The following ELOVL7 variants were observed in gnomAD, a reference collection of about 807,000 sequenced individuals.
ELOVL7 encodes very long chain fatty acid elongase 7.
A neutral mutation model predicts 35.7 loss-of-function variants in ELOVL7; 27 were observed. The ratio of observed to expected loss-of-function variants is 0.76; its 90% CI spans 0.56 to 1.04. ELOVL7 has a LOEUF of 1.04. ELOVL7 is among the 50% of genes least tolerant of loss of function. The pLI, the probability that ELOVL7 is intolerant of heterozygous loss-of-function variation, is 0.00. For synonymous variants in ELOVL7, 113 were observed against 114.6 expected (o/e 0.99, Z 0.09); for missense variants, 327 against 340.8 (o/e 0.96, Z 0.32).
chr5:60,835,136 G>A lies in ELOVL7; in HGVS notation c.-86+9024C>T, dbSNP rs576570048. Among the ~76,000 whole-genome samples, 123 of 150,104 alleles carry A rather than the reference G, an allele frequency of 8.2e-4. 1 individual carries two copies. The highest frequency in any genetic ancestry group is 3.1e-3 in the Admixed American group (47 of 15,030). ...GCCCGGGAGGTGGAGGTTGCAGCGA[G>A]CTGAGAGCAAGCCACTGCACTCCAG... On this transcript the variant is annotated intron_variant, in intron 1 of 8. Transcript: ENST00000508821.
At chr5:60,798,723 T>C (rs1474883747) in intron 2 of ELOVL7, among the ~76,000 whole-genome samples, 1 of 152,036 alleles carries the variant, frequency 6.6e-6, no homozygotes, top group East Asian at 1.9e-4. Context: ...GATTAATAGA[T>C]CTGAAAAGAG....
At chr5:60,807,809 C>A (rs1745018356) in intron 1 of ELOVL7, among the ~76,000 whole-genome samples, 1 of 151,562 alleles carries the variant, frequency 6.6e-6, no homozygotes. Context: ...ACCACCCTGG[C>A]TAACATGGTG....
intron 1 of ELOVL7, among the ~76,000 whole-genome samples, chr5:60,824,814 T>A (rs914396349): frequency 6.6e-6 from 1 of 152,154 alleles, no homozygotes; most frequent in Non-Finnish European, 1.5e-5. Flanking sequence ...AAAACTCAAG[T>A]CATGTCCCTT....
At chr5:60,775,686 C>G (rs1423196903) in intron 3 of ELOVL7, among the ~76,000 whole-genome samples, 1 of 152,080 alleles carries the variant, frequency 6.6e-6, no homozygotes, top group Non-Finnish European at 1.5e-5. Flanking sequence ...ATACCTAAAA[C>G]CAACTGATAT....
chr5:60,762,367 T>C (rs953508969), intron 7 of ELOVL7, among the ~76,000 whole-genome samples: 1 of 151,854 alleles, frequency 6.6e-6, no homozygotes, highest in Non-Finnish European at 1.5e-5. Context: ...AAAGCACTGC[T>C]TGCTTTTGAA....
chr5:60,767,094 T>C (rs1742287778), intron 5 of ELOVL7, among the ~76,000 whole-genome samples: 2 of 152,128 alleles, frequency 1.3e-5, no homozygotes, highest in Non-Finnish European at 2.9e-5. Flanking sequence ...TGTTTATCCA[T>C]TTATCTTTTT....
chr5:60,804,694 T>A lies in ELOVL7; in HGVS notation c.-85-5464A>T, dbSNP rs531208738. Among the ~76,000 whole-genome samples the A allele has an allele frequency of 3.9e-5, 6 of 152,260 alleles. No homozygotes were observed. The South Asian group carries it at 1.2e-3, about 32-fold the overall frequency. ...TCGAATAGAACAAGTGCTTAAGAAA[T>A]ATCTGCTGAATGAATTTAAAGATGT... On this transcript the variant is annotated intron_variant, in intron 1 of 8. Coordinates refer to ENST00000508821, the MANE Select transcript of ELOVL7 (RefSeq NM_024930.3).
chr5:60,832,662 C>T (rs79407584), intron 1 of ELOVL7, among the ~76,000 whole-genome samples: 12,335 of 152,216 alleles, frequency 0.081, 621 homozygotes, highest in Non-Finnish European at 0.12. Flanking sequence ...TCGCGCCCAG[C>T]CGGAATTTTT....
intron 2 of ELOVL7, among the ~76,000 whole-genome samples, chr5:60,793,522 A>T (rs533981233): frequency 6.6e-6 from 1 of 152,206 alleles, no homozygotes; most frequent in Non-Finnish European, 1.5e-5. Flanking sequence ...TTAAAGTTCA[A>T]GAACTTTAAT....
intron 1 of ELOVL7, among the ~76,000 whole-genome samples, chr5:60,820,694 T>G (rs1745830719): frequency 6.6e-6 from 1 of 152,192 alleles, no homozygotes; most frequent in Non-Finnish European, 1.5e-5. Flanking sequence ...GTTCTCCCAA[T>G]GAGTTGGACC....
At chr5:60,794,048 C>T (rs951989980) in intron 2 of ELOVL7, among the ~76,000 whole-genome samples, 3 of 152,166 alleles carry the variant, frequency 2.0e-5, no homozygotes, top group African/African-American at 7.2e-5. Flanking sequence ...CTCAGCCTGC[C>T]TCCAAAGGCC....
At position 60,757,771 on chromosome 5, in the gene ELOVL7, C is replaced by T. The variant is rs553796864; in HGVS notation, c.500-126G>A. On this transcript the variant is annotated intron_variant, in intron 7 of 8. Transcript: ENST00000508821. ...GAAAAAAATATATAAAATATCAATC[C>T]TGTTAAACAACTATCAAATTAGAGG... The T allele has an allele frequency of 2.9e-4, 217 of 748,362 alleles. No individual in the cohort carries two copies. In the African/African-American group the frequency reaches 3.5e-3, roughly 12 times the overall value. The allele number at this position is 748,362 out of a possible 1,614,324, so 46.4% of individuals were successfully genotyped here.
chr5:60,834,856 A>T (rs909684885), intron 1 of ELOVL7, among the ~76,000 whole-genome samples: 3 of 150,910 alleles, frequency 2.0e-5, no homozygotes, highest in Non-Finnish European at 4.4e-5. Flanking sequence ...CTTACTTTTT[A>T]AAAAAATATA....
At chr5:60,766,338 G>T (rs1455645917) in intron 6 of ELOVL7, among the ~76,000 whole-genome samples, 1 of 152,176 alleles carries the variant, frequency 6.6e-6, no homozygotes, top group African/African-American at 2.4e-5. Context: ...CTATGTAACA[G>T]AAACTTTATA....
chr5:60,791,634 CTACTTT>C (rs1009930259), intron 2 of ELOVL7, among the ~76,000 whole-genome samples: 7 of 152,154 alleles, frequency 4.6e-5, no homozygotes, highest in African/African-American at 7.2e-5. Context: ...AAAAACTCTA[CTACTTT>C]TACTTTAAGA....
Position 60,754,770 on chromosome 5 carries a change from G to T in ELOVL7, c.700C>A (p.Gln234Lys). The T allele has an allele frequency of 1.2e-6, 2 of 1,614,098 alleles. No homozygotes were observed. The highest frequency in any genetic ancestry group is 1.1e-5 in the South Asian group (1 of 91,080). The change falls in exon 9 of 9, where the codon CAG (glutamine) becomes AAG (lysine). Residue 234 changes from glutamine (Q) to lysine (K), a missense_variant. By Grantham distance (53) the Gln-to-Lys change is moderately conservative. Coordinates refer to ENST00000508821, the MANE Select transcript of ELOVL7 (RefSeq NM_024930.3). ...ATGATGCACGCAAAGACTGGAAACT[G>T]ATACTTGCAATCCTCCATGAAAAAG... ...QFFFMEDCKY[Q>K]FPVFACIIMS...
chr5:60,832,414 G>A (rs1303780704), intron 1 of ELOVL7, among the ~76,000 whole-genome samples: 2 of 151,720 alleles, frequency 1.3e-5, no homozygotes, highest in South Asian at 2.1e-4. Flanking sequence ...TGCCCAGGCT[G>A]GAGTGCAGTG....
At chr5:60,764,198 A>AT in intron 7 of ELOVL7, 29 bp downstream of exon 7, 2 of 1,464,690 alleles carry the variant, frequency 1.4e-6, no homozygotes, top group Non-Finnish European at 1.9e-6. Flanking sequence ...GTTGTTTATA[A>AT]CACATGATCC....
At chr5:60,820,974 T>C (rs1366822830) in intron 1 of ELOVL7, among the ~76,000 whole-genome samples, 1 of 152,192 alleles carries the variant, frequency 6.6e-6, no homozygotes, top group Non-Finnish European at 1.5e-5. Context: ...AATTATCTGT[T>C]TTTAGTATGC....
Sources: gnomAD v4.1 joint callset for allele counts (sites outside exome capture counted in the v4.1 genomes callset) on GRCh38, gnomAD v4.1.1 for gene constraint, MANE v1.5 for transcripts, NCBI Gene and HGNC (gene_info 2026-07-23, HGNC 2026-07-21) for gene names.